The following ADGRF5 variants were observed in gnomAD, a reference collection of about 807,000 sequenced individuals.
ADGRF5 encodes G-protein coupled receptor 116.
Under a neutral mutation model 132.3 loss-of-function variants are expected in ADGRF5, and 75 were observed. The ratio of observed to expected loss-of-function variants is 0.57; its 90% CI spans 0.47 to 0.69. ADGRF5 has a LOEUF of 0.69. ADGRF5 is among the 30% of genes least tolerant of loss of function. The pLI is 0.00. For missense variants in ADGRF5, 1,516 were observed against 1,630.6 expected, an observed-to-expected ratio of 0.93 and a Z score of 1.21; for synonymous variants, 629 against 597.6, an observed-to-expected ratio of 1.05 and a Z score of -0.77.
intron 3 of ADGRF5, among the ~76,000 whole-genome samples, chr6:46,893,533 C>T (rs1562203620): frequency 2.0e-5 from 3 of 152,110 alleles, no homozygotes; most frequent in South Asian, 2.1e-4. Context: ...CCACCTGTCC[C>T]GCTCAACCTG....
At chr6:46,887,043 T>A (rs1773134999) in intron 4 of ADGRF5, 1 of 152,116 alleles carries the variant, frequency 6.6e-6, no homozygotes, top group South Asian at 2.1e-4. Context: ...AGTCATCCCA[T>A]CTCTAGTAGA....
upstream of ADGRF5, among the ~76,000 whole-genome samples, chr6:46,924,375 C>T (rs2150929524): frequency 6.6e-6 from 1 of 152,206 alleles, no homozygotes; most frequent in Non-Finnish European, 1.5e-5. Flanking sequence ...TATGTTATGC[C>T]CAGCTCGTAT....
At chr6:46,910,244 T>C (rs1017848963) in intron 1 of ADGRF5, among the ~76,000 whole-genome samples, 1 of 152,146 alleles carries the variant, frequency 6.6e-6, no homozygotes, top group African/African-American at 2.4e-5. Flanking sequence ...GGAGCAACCA[T>C]TTATGATAGG....
rs767734068 is a variant in ADGRF5 at position 46,883,587 on chromosome 6, C to G, written c.584G>C (p.Arg195Thr). ...TGTTTCCAAGTCGGTCTTGTAGGAC[C>G]TATAGAGGGCGGAGGAAGTGTTCAT... ...DLMNTSSALYRSYKTDLETAF... is the reference protein window; with the variant it reads ...DLMNTSSALYTSYKTDLETAF... Residue 195 changes from arginine to threonine, a missense_variant, in exon 6 of 21, where the codon AGG becomes ACG. Physicochemically the swap from Arg to Thr is moderately conservative, Grantham distance 71 (BLOSUM62 -1). Coordinates refer to ENST00000283296, the MANE Select transcript of ADGRF5 (RefSeq NM_001098518.2). The G allele has an allele frequency of 5.5e-5, 89 of 1,607,916 alleles. No individual in the cohort carries two copies. Among genetic ancestry groups the G allele is most frequent in the South Asian group, 1.1e-5 (1 of 90,140 alleles).
chr6:46,863,170 G>A (rs769491560), intron 14 of ADGRF5, 74 bp from the exon 15 acceptor site: 2 of 1,153,934 alleles, frequency 1.7e-6, no homozygotes, highest in Non-Finnish European at 1.3e-6. Context: ...GTCAGGCCAA[G>A]GTAGAATTTT....
rs1483677637 is a variant in ADGRF5 at position 46,899,961 on chromosome 6, TA to T, written c.157+67del. 5 of 1,087,086 alleles carry T rather than the reference TA, an allele frequency of 4.6e-6. No individual in the cohort carries two copies. The Admixed American group carries it at 8.4e-5, about 18-fold the overall frequency. The allele number at this position is 1,087,086 out of a possible 1,614,324, so 67.3% of individuals were successfully genotyped here. On this transcript the variant is annotated intron_variant, in intron 3 of 20. Coordinates refer to ENST00000283296, the MANE Select transcript of ADGRF5 (RefSeq NM_001098518.2). Reference sequence around the variant, plus strand: ...CTGAATTATGTAGACTACAATGTTTTAAAAAGTTGCAACACATACCATTTGA... The same window carrying T: ...CTGAATTATGTAGACTACAATGTTTTAAAAGTTGCAACACATACCATTTGA...
At chr6:46,943,091 T>C (rs892795819) in intron 1 of ADGRF5, among the ~76,000 whole-genome samples, 2 of 150,482 alleles carry the variant, frequency 1.3e-5, no homozygotes, top group Non-Finnish European at 3.0e-5. Flanking sequence ...GGGTCTCAAG[T>C]CAAAAGAGGA....
At chr6:46,933,644 A>G (rs1463950657) in intron 1 of ADGRF5, among the ~76,000 whole-genome samples, 2 of 152,220 alleles carry the variant, frequency 1.3e-5, no homozygotes, top group Admixed American at 6.5e-5. Context: ...AGGTGTTCAC[A>G]GTGGCTGCTA....
chr6:46,933,383 C>T (rs936040428), intron 1 of ADGRF5, among the ~76,000 whole-genome samples: 4 of 152,332 alleles, frequency 2.6e-5, no homozygotes, highest in Admixed American at 1.3e-4. Context: ...ACTAGCTGTT[C>T]ACTTCAAGTG....
intron 1 of ADGRF5, among the ~76,000 whole-genome samples, chr6:46,934,843 A>C (rs916491388): frequency 3.9e-5 from 6 of 152,194 alleles, no homozygotes; most frequent in African/African-American, 7.2e-5. Context: ...ATTTATTAAA[A>C]GGTAATAAAT....
Position 46,865,285 on chromosome 6 carries a change from T to A in ADGRF5, c.1835-88A>T, listed in dbSNP as rs866630991. ...TAAGATAACCTAATATGAATAAACC[T>A]GTCCAAGCTTTCCCGAGGAATGTGC... On this transcript the variant is annotated intron_variant, in intron 13 of 20. Transcript: ENST00000283296. The A allele has an allele frequency of 5.2e-5, 46 of 889,812 alleles. No individual in the cohort carries two copies. In the Middle Eastern group the frequency reaches 1.2e-3, roughly 23 times the overall value. The allele number at this position is 889,812 out of a possible 1,614,324, so 55.1% of individuals were successfully genotyped here.
chr6:46,889,595 G>C (rs1335333896), intron 3 of ADGRF5, among the ~76,000 whole-genome samples: 1 of 122,032 alleles, frequency 8.2e-6, no homozygotes, highest in Non-Finnish European at 1.7e-5. Context: ...TATATATATA[G>C]TCTGGCCTGC....
chr6:46,909,941 G>A lies in ADGRF5; in HGVS notation c.-24-3155C>T, dbSNP rs1418521713. Among the ~76,000 whole-genome samples the A allele has an allele frequency of 2.6e-5, 4 of 151,948 alleles. No individual in the cohort carries two copies. The East Asian group carries it at 5.8e-4, about 22-fold the overall frequency. On this transcript the variant is annotated intron_variant, in intron 1 of 20. Transcript: ENST00000283296. ...CTTGAGTCCATGAGCCCTGGAGTTCGAGGCTGCAGTGAGCTATGATTTCAC... is the reference window on the plus strand; with the variant it reads ...CTTGAGTCCATGAGCCCTGGAGTTCAAGGCTGCAGTGAGCTATGATTTCAC...
intron 3 of ADGRF5, among the ~76,000 whole-genome samples, chr6:46,899,448 C>T (rs1042192485): frequency 2.0e-5 from 3 of 152,080 alleles, no homozygotes; most frequent in South Asian, 2.1e-4. Context: ...CTGACACCTG[C>T]GCAGGGTCCA....
intron 16 of ADGRF5, 132 bp downstream of exon 16, chr6:46,860,583 C>A (rs1416528832): frequency 5.8e-6 from 3 of 519,380 alleles, no homozygotes; most frequent in Non-Finnish European, 1.0e-5. Flanking sequence ...CCATAGCTGG[C>A]AGAACTATCC....
intron 10 of ADGRF5, among the ~76,000 whole-genome samples, chr6:46,876,720 C>A (rs183953512): frequency 3.0e-4 from 45 of 152,292 alleles, no homozygotes; most frequent in Middle Eastern, 3.4e-3. Flanking sequence ...TCTCCTGCCT[C>A]AGCCTCCCAA....
intron 1 of ADGRF5, among the ~76,000 whole-genome samples, chr6:46,929,433 G>A (rs1158347361): frequency 6.7e-6 from 1 of 149,136 alleles, no homozygotes; most frequent in African/African-American, 2.5e-5. Flanking sequence ...CATGACACAT[G>A]TATACATACA....
chr6:46,953,659 A>ATATATATATATATAGATATATG (rs1778597926), intron 1 of ADGRF5, among the ~76,000 whole-genome samples: 1 of 73,676 alleles, frequency 1.4e-5, no homozygotes, highest in Non-Finnish European at 3.1e-5. Flanking sequence ...GTGTATATAT[A>ATATATATATATATAGATATATG]TATATATATA....
At chr6:46,941,408 AAAG>A (rs1363645928) in intron 1 of ADGRF5, among the ~76,000 whole-genome samples, 2 of 36,796 alleles carry the variant, frequency 5.4e-5, no homozygotes, top group East Asian at 1.3e-3. Flanking sequence ...AAAGAAAAGA[AAAG>A]AAAAGAAAAG....
Sources: allele counts gnomAD v4.1 joint callset (sites outside exome capture counted in the v4.1 genomes callset), GRCh38; gene constraint gnomAD v4.1.1; transcripts MANE v1.5; gene names NCBI Gene and HGNC (gene_info 2026-07-23, HGNC 2026-07-21).